Variants in SLC37A1 observed in about 807,000 individuals in gnomAD.
SLC37A1 encodes solute carrier family 37 member 1.
In SLC37A1, 49 loss-of-function variants were observed where a neutral mutation model predicts 75.3. The ratio of observed to expected loss-of-function variants is 0.65; its 90% confidence interval spans 0.52 to 0.83. The LOEUF is 0.83. Among genes scored for constraint, SLC37A1 ranks in the 40% least tolerant of loss-of-function variants. The pLI is 0.00. For synonymous variants in SLC37A1, 268 were observed against 292.1 expected, an observed-to-expected ratio of 0.92 and a Z score of 0.84; for missense variants, 566 against 695.0, an observed-to-expected ratio of 0.81 and a Z score of 2.09.
At chr21:42,527,590 GC>G (rs1275350684) in intron 3 of SLC37A1, among the ~76,000 whole-genome samples, 1 of 152,194 alleles carries the variant, frequency 6.6e-6, no homozygotes, top group Non-Finnish European at 1.5e-5. Flanking sequence ...CCCTGCGAGT[GC>G]CCCTGTGAGG....
intron 17 of SLC37A1, among the ~76,000 whole-genome samples, chr21:42,572,677 C>CAAAAA (rs552610279): frequency 1.6e-4 from 13 of 80,504 alleles, no homozygotes; most frequent in Admixed American, 3.2e-4. Flanking sequence ...CACACACACA[C>CAAAAA]AAAAAAAAAA....
chr21:42,568,945 T>C (rs2056052262), intron 17 of SLC37A1, among the ~76,000 whole-genome samples: 2 of 152,262 alleles, frequency 1.3e-5, no homozygotes, highest in Non-Finnish European at 1.5e-5. Flanking sequence ...TCCTCGCCCA[T>C]GTGCAGCCTG....
At chr21:42,519,428 C>A (rs1190836752) in intron 2 of SLC37A1, among the ~76,000 whole-genome samples, 1 of 152,198 alleles carries the variant, frequency 6.6e-6, no homozygotes, top group East Asian at 1.9e-4. Context: ...GGCTTCTCAT[C>A]TCCAGTGGTA....
chr21:42,544,197 G>T (rs1422244450), intron 8 of SLC37A1, among the ~76,000 whole-genome samples: 2 of 152,196 alleles, frequency 1.3e-5, no homozygotes, highest in Non-Finnish European at 2.9e-5. Context: ...GGGTGGCCCT[G>T]GCGGTCACAC....
rs545777025 is a variant in SLC37A1 at position 42,559,736 on chromosome 21, C to T, written c.981+647C>T. ...ACTAAAAATACAAAAATTAGCTGGG[C>T]GTGGTGGCAGGCGCCTGTAGTCCTA... On this transcript the variant is annotated intron_variant, in intron 11 of 19. Coordinates refer to ENST00000352133, the MANE Select transcript of SLC37A1 (RefSeq NM_001320537.2). Among the ~76,000 whole-genome samples, 8 of 152,212 alleles carry T rather than the reference C, an allele frequency of 5.3e-5. 1 individual carries two copies. Among genetic ancestry groups the T allele is most frequent in the South Asian group, 2.1e-4 (1 of 4,814 alleles).
At chr21:42,533,284 G>A (rs1333898675) in intron 3 of SLC37A1, among the ~76,000 whole-genome samples, 7 of 152,114 alleles carry the variant, frequency 4.6e-5, no homozygotes, top group Non-Finnish European at 1.0e-4. Flanking sequence ...ATCCCCCTAA[G>A]GGACACCCCT....
upstream of SLC37A1, among the ~76,000 whole-genome samples, chr21:42,511,031 A>C (rs946939966): frequency 2.0e-5 from 3 of 152,248 alleles, no homozygotes; most frequent in Non-Finnish European, 4.4e-5. Flanking sequence ...TTCCCCCAGC[A>C]GCTGAATGCA....
At chr21:42,539,698 A>G in intron 6 of SLC37A1, 51 bp downstream of exon 6, 1 of 1,569,026 alleles carries the variant, frequency 6.4e-7, no homozygotes, top group Non-Finnish European at 8.7e-7. Context: ...CTTGGTGAAT[A>G]GGGTGGAGTG....
intron 18 of SLC37A1, among the ~76,000 whole-genome samples, chr21:42,576,625 G>T (rs1446534050): frequency 6.6e-6 from 1 of 152,086 alleles, no homozygotes; most frequent in Non-Finnish European, 1.5e-5. Context: ...TATATGCAAT[G>T]TTACTAATGA....
At chr21:42,540,185 A>G (rs954459432) in intron 6 of SLC37A1, among the ~76,000 whole-genome samples, 7 of 152,202 alleles carry the variant, frequency 4.6e-5, no homozygotes, top group Non-Finnish European at 7.3e-5. Flanking sequence ...GCTGCAGTGT[A>G]TGGTCGCAAC....
intron 1 of SLC37A1, among the ~76,000 whole-genome samples, chr21:42,501,717 C>T (rs2054343669): frequency 6.6e-6 from 1 of 152,176 alleles, no homozygotes; most frequent in Admixed American, 6.5e-5. Flanking sequence ...GAAACTCTAT[C>T]TCAAAAAACA....
rs558664270 is a variant in SLC37A1 at position 42,567,359 on chromosome 21, C to T, written c.1344+301C>T. The stretch of plus-strand genomic sequence containing the variant: ...GGCAGGGGAGAGGTCCTGTCCTGGA[C>T]GCCTCTGCAGAGAGAGAGGGGCCAC... On this transcript the variant is annotated intron_variant, in intron 16 of 19. Transcript: ENST00000352133. Among the ~76,000 whole-genome samples, 7 of 152,324 alleles carry T rather than the reference C, an allele frequency of 4.6e-5. No homozygotes were observed. The South Asian group carries it at 8.3e-4, about 18-fold the overall frequency.
intron 3 of SLC37A1, among the ~76,000 whole-genome samples, chr21:42,533,231 C>T (rs1056407875): frequency 1.3e-5 from 2 of 152,306 alleles, no homozygotes; most frequent in Non-Finnish European, 2.9e-5. Context: ...TTCCAGCTCA[C>T]GAGGACACCC....
upstream of SLC37A1, among the ~76,000 whole-genome samples, chr21:42,512,479 C>T (rs1395634306): frequency 2.6e-5 from 4 of 152,082 alleles, no homozygotes; most frequent in Non-Finnish European, 5.9e-5. Flanking sequence ...GGGGTAGCCT[C>T]GAGCCGAACC....
chr21:42,538,021 T>C (rs573850594), intron 5 of SLC37A1, among the ~76,000 whole-genome samples: 11 of 152,364 alleles, frequency 7.2e-5, no homozygotes, highest in African/African-American at 1.7e-4. Context: ...CCATGTAATG[T>C]GAAATGGTGT....
chr21:42,564,278 C>G (rs1462583127), intron 13 of SLC37A1, among the ~76,000 whole-genome samples: 1 of 146,054 alleles, frequency 6.8e-6, no homozygotes, highest in Non-Finnish European at 1.5e-5. Flanking sequence ...GTGGTTCCAG[C>G]CTTGGGAGGC....
rs1248621547 is a variant in SLC37A1 at position 42,514,083 on chromosome 21, T to A, written c.-813T>A. On this transcript the variant is annotated 5_prime_UTR_variant, in exon 1 of 20. Transcript: ENST00000352133. The surrounding 1 kb of genome is among the most constrained non-coding windows in gnomAD (Gnocchi z 4.8). The stretch of plus-strand genomic sequence containing the variant: ...CCCTGCGCACTCGGAGCTCGGCTCC[T>A]CTCCTTCCTTTTCTTTTTTTTCGGG... 1 of 149,630 alleles carries A rather than the reference T, an allele frequency of 6.7e-6. No homozygotes were observed. The highest frequency in any genetic ancestry group is 1.5e-5 in the Non-Finnish European group (1 of 67,336). 9.3% of individuals were successfully genotyped at this position (149,630 alleles called of 1,614,324 possible).
intron 1 of SLC37A1, among the ~76,000 whole-genome samples, chr21:42,500,044 G>C (rs1221240732): frequency 6.6e-6 from 1 of 152,204 alleles, no homozygotes; most frequent in Non-Finnish European, 1.5e-5. Context: ...TCTCTTCTGA[G>C]CTCTCCTGGA....
At chr21:42,532,656 C>T (rs2055018903) in intron 3 of SLC37A1, among the ~76,000 whole-genome samples, 1 of 152,122 alleles carries the variant, frequency 6.6e-6, no homozygotes, top group Non-Finnish European at 1.5e-5. Context: ...GCTGCAGGCA[C>T]CCGCCCTGGG....
Sources: gnomAD v4.1 joint callset for allele counts (sites outside exome capture counted in the v4.1 genomes callset) on GRCh38, gnomAD v4.1.1 for gene constraint, Gnocchi (gnomAD v3.1) non-coding constraint, MANE v1.5 for transcripts, NCBI Gene and HGNC (gene_info 2026-07-23, HGNC 2026-07-21) for gene names.